The following PDE1C variants were observed in gnomAD, a reference collection of about 807,000 sequenced individuals.
PDE1C encodes the protein dual specificity calcium/calmodulin-dependent 3',5'-cyclic nucleotide phosphodiesterase 1C.
A neutral mutation model predicts 93.1 loss-of-function variants in PDE1C; 62 were observed. The ratio of observed to expected loss-of-function variants is 0.67; its 90% CI spans 0.54 to 0.82. PDE1C has a LOEUF of 0.82. PDE1C is among the 40% of genes least tolerant of loss of function. PDE1C has a pLI of 0.00. For synonymous variants in PDE1C, 325 were observed against 310.1 expected, an observed-to-expected ratio of 1.05 and a Z score of -0.50; for missense variants, 742 against 884.6, an observed-to-expected ratio of 0.84 and a Z score of 2.04.
At chr7:32,338,410 C>T (rs1403860884) in intron 1 of PDE1C, among the ~76,000 whole-genome samples, 1 of 152,084 alleles carries the variant, frequency 6.6e-6, no homozygotes, top group Admixed American at 6.5e-5. Context: ...CAAATCAAAA[C>T]CCCAATAAGA....
intron 16 of PDE1C, among the ~76,000 whole-genome samples, chr7:31,796,952 C>T (rs1785378848): frequency 6.6e-6 from 1 of 151,720 alleles, no homozygotes; most frequent in Non-Finnish European, 1.5e-5. Context: ...CAACTCTCTC[C>T]TCCATTTATT....
chr7:32,371,985 T>C (rs916433240), intron 1 of PDE1C, among the ~76,000 whole-genome samples: 1 of 151,218 alleles, frequency 6.6e-6, no homozygotes, highest in African/African-American at 2.4e-5. Flanking sequence ...GACATAAGGA[T>C]AGACACATAG....
chr7:32,095,330 A>G (rs915647401), intron 3 of PDE1C, among the ~76,000 whole-genome samples: 1 of 152,196 alleles, frequency 6.6e-6, no homozygotes, highest in East Asian at 1.9e-4. Flanking sequence ...GTCAGACAAC[A>G]ATCAGGTTAT....
chr7:32,378,686 G>A (rs1183774375), intron 1 of PDE1C, among the ~76,000 whole-genome samples: 1 of 152,088 alleles, frequency 6.6e-6, no homozygotes, highest in African/African-American at 2.4e-5. Context: ...CCACCAACTA[G>A]ACCCACCCCA....
intron 2 of PDE1C, among the ~76,000 whole-genome samples, chr7:31,893,185 A>C (rs1451426573): frequency 6.6e-6 from 1 of 152,224 alleles, no homozygotes; most frequent in African/African-American, 2.4e-5. Flanking sequence ...AACACAGGTC[A>C]CGGAGACGGT....
At chr7:31,825,822 AG>A (rs1789582663) in intron 12 of PDE1C, among the ~76,000 whole-genome samples, 1 of 152,160 alleles carries the variant, frequency 6.6e-6, no homozygotes, top group South Asian at 2.1e-4. Flanking sequence ...ACAACAAAGC[AG>A]GGAAAACAGG....
At chr7:32,039,124 CT>C (rs1184108006) in intron 2 of PDE1C, among the ~76,000 whole-genome samples, 1 of 152,090 alleles carries the variant, frequency 6.6e-6, no homozygotes, top group African/African-American at 2.4e-5. Context: ...GCATTATGTC[CT>C]CTGAAGGAAT....
chr7:31,868,020 C>T (rs1795507969), intron 6 of PDE1C, among the ~76,000 whole-genome samples: 1 of 152,234 alleles, frequency 6.6e-6, no homozygotes, highest in African/African-American at 2.4e-5. Context: ...ACTCAACCAA[C>T]ATCATAGATA....
intron 3 of PDE1C, among the ~76,000 whole-genome samples, chr7:32,140,070 T>C (rs867005853): frequency 2.6e-5 from 4 of 152,210 alleles, no homozygotes; most frequent in African/African-American, 9.7e-5. Context: ...TTGATTCTTC[T>C]GGCCACTTTG....
chr7:32,225,357 C>A (rs1174412791), intron 1 of PDE1C, among the ~76,000 whole-genome samples: 1 of 152,062 alleles, frequency 6.6e-6, no homozygotes, highest in Non-Finnish European at 1.5e-5. Flanking sequence ...CACACACACA[C>A]AAACTCACAA....
At chr7:32,342,995 G>T (rs1166862423) in intron 1 of PDE1C, among the ~76,000 whole-genome samples, 1 of 152,156 alleles carries the variant, frequency 6.6e-6, no homozygotes, top group African/African-American at 2.4e-5. Flanking sequence ...CCCAAGCTCA[G>T]TTGGTACAGG....
At chr7:31,774,500 C>T (rs1795703030) in intron 17 of PDE1C, among the ~76,000 whole-genome samples, 2 of 152,262 alleles carry the variant, frequency 1.3e-5, no homozygotes, top group South Asian at 4.1e-4. Context: ...TATATGTCTG[C>T]ATTCTTTGAG....
At chr7:32,274,183 T>C (rs1038268546) in intron 1 of PDE1C, among the ~76,000 whole-genome samples, 1 of 152,002 alleles carries the variant, frequency 6.6e-6, no homozygotes, top group African/African-American at 2.4e-5. Context: ...ATGGATATAA[T>C]GGCATTTATT....
At chr7:32,377,266 C>T (rs923065784) in intron 1 of PDE1C, among the ~76,000 whole-genome samples, 4 of 152,176 alleles carry the variant, frequency 2.6e-5, no homozygotes, top group African/African-American at 7.2e-5. Flanking sequence ...CCTGATTATC[C>T]GCACTCCCCA....
the PDE1C span, among the ~76,000 whole-genome samples, chr7:31,628,337 T>C: frequency 6.6e-6 from 1 of 151,858 alleles, no homozygotes; most frequent in Non-Finnish European, 1.5e-5. Flanking sequence ...AAATAGAGAA[T>C]AGCCAACAAA....
chr7:31,876,391 T>C (rs957404496), intron 5 of PDE1C, among the ~76,000 whole-genome samples: 1 of 152,194 alleles, frequency 6.6e-6, no homozygotes, highest in East Asian at 1.9e-4. Flanking sequence ...TCTCTAAGTA[T>C]AAAATAACAA....
chr7:32,019,708 C>T (rs1278381644), intron 2 of PDE1C, among the ~76,000 whole-genome samples: 1 of 151,862 alleles, frequency 6.6e-6, no homozygotes, highest in Non-Finnish European at 1.5e-5. Context: ...ACATGTTGAA[C>T]GGACACAACT....
At chr7:31,884,042 G>A (rs1363229890) in intron 2 of PDE1C, among the ~76,000 whole-genome samples, 1 of 152,192 alleles carries the variant, frequency 6.6e-6, no homozygotes, top group Non-Finnish European at 1.5e-5. Context: ...ATGCGTGGGA[G>A]GCACTAGAAA....
intron 1 of PDE1C, among the ~76,000 whole-genome samples, chr7:32,310,593 G>A (rs1238185469): frequency 1.3e-5 from 2 of 152,192 alleles, no homozygotes; most frequent in African/African-American, 2.4e-5. Context: ...TGAGGACTAA[G>A]AAACTCACTC....
Sources: gnomAD v4.1 joint callset for allele counts (sites outside exome capture counted in the v4.1 genomes callset) on GRCh38, gnomAD v4.1.1 for gene constraint, MANE v1.5 for transcripts, NCBI Gene and HGNC (gene_info 2026-07-23, HGNC 2026-07-21) for gene names.